Variants in PPP2R5C observed in about 807,000 individuals in gnomAD.
PPP2R5C encodes serine/threonine-protein phosphatase 2A 56 kDa regulatory subunit gamma isoform.
PPP2R5C carries 7 observed loss-of-function variants against 68.9 expected under a neutral mutation model. The observed-to-expected ratio is 0.10, with a 90% CI of 0.06 to 0.19. The LOEUF (loss-of-function observed/expected upper bound fraction) is 0.19, where lower values mean the gene tolerates loss of function less well. PPP2R5C is among the 10% of genes least tolerant of loss of function. PPP2R5C has a pLI of 1.00. For missense variants in PPP2R5C, 348 were observed against 641.3 expected (o/e 0.54, Z 4.94); for synonymous variants, 210 against 222.2 (o/e 0.95, Z 0.49).
At chr14:101,819,181 C>T in intron 1 of PPP2R5C, 1 of 1,154,704 alleles carries the variant, frequency 8.7e-7, no homozygotes, top group South Asian at 1.4e-5. Flanking sequence ...TGGTTTTTTT[C>T]CCAGCTTTAT....
chr14:101,868,334 TG>T (rs967674675), intron 2 of PPP2R5C, among the ~76,000 whole-genome samples: 2 of 152,242 alleles, frequency 1.3e-5, no homozygotes, highest in African/African-American at 4.8e-5. Context: ...TTTCCTTTGA[TG>T]TTTTTAAATT....
chr14:101,842,071 G>T (rs2041509525), intron 1 of PPP2R5C, among the ~76,000 whole-genome samples: 1 of 152,178 alleles, frequency 6.6e-6, no homozygotes. Flanking sequence ...AAGTTCAGTG[G>T]CAGCGCAGAC....
intron 8 of PPP2R5C, among the ~76,000 whole-genome samples, chr14:101,898,291 C>A (rs908746076): frequency 6.6e-6 from 1 of 152,086 alleles, no homozygotes; most frequent in African/African-American, 2.4e-5. Flanking sequence ...GAACAATTCA[C>A]CAAATGCCAC....
intron 9 of PPP2R5C, among the ~76,000 whole-genome samples, chr14:101,902,183 C>G (rs2045724703): frequency 6.6e-6 from 1 of 152,202 alleles, no homozygotes; most frequent in Non-Finnish European, 1.5e-5. Flanking sequence ...TAAACACCCT[C>G]CTTTCCACAC....
intron 1 of PPP2R5C, among the ~76,000 whole-genome samples, chr14:101,841,860 C>T (rs559488003): frequency 2.6e-5 from 4 of 152,258 alleles, no homozygotes; most frequent in African/African-American, 9.6e-5. Flanking sequence ...ACAGGCTGCC[C>T]TAGGCTTAGT....
chr14:101,811,679 A>G (rs2039370488), intron 1 of PPP2R5C, among the ~76,000 whole-genome samples: 1 of 152,314 alleles, frequency 6.6e-6, no homozygotes, highest in South Asian at 2.1e-4. Context: ...TAGCAGTAAG[A>G]TAAATTAACT....
At chr14:101,760,852 G>A (rs370199349), upstream of PPP2R5C, 38 of 328,350 alleles carry the variant, frequency 1.2e-4, no homozygotes, top group African/African-American at 1.7e-3. Context: ...CCGGCCAAGG[G>A]GAGGGGCCGG....
chr14:101,761,485 C>T (rs1474574056), upstream of PPP2R5C, among the ~76,000 whole-genome samples: 1 of 146,370 alleles, frequency 6.8e-6, no homozygotes, highest in Non-Finnish European at 1.5e-5. Flanking sequence ...GTGAACGGGT[C>T]GCGCGGAGAG....
rs11318528 is a variant in PPP2R5C at position 101,876,940 on chromosome 14, C to CTT, written c.295-5196_295-5195dup. 1.3e-3 allele frequency among the ~76,000 whole-genome samples: 114 copies of CTT among 90,888 alleles called. 6 individuals carry two copies. Among genetic ancestry groups the CTT allele is most frequent in the Non-Finnish European group, 1.6e-3 (75 of 46,152 alleles). The allele number at this position is 90,888 out of a possible 152,430, so 59.6% of individuals were successfully genotyped here. A position where few individuals can be genotyped will look rare whatever the true frequency, so the allele number is the denominator to read the frequency against. On this transcript the variant is annotated intron_variant, in intron 2 of 13. Coordinates refer to ENST00000334743, the Ensembl canonical transcript of PPP2R5C. ...GCAAAAAATAAAAAAAGGATTTACG[C>CTT]TTTTTTTTTTTTTTTTTTTTTTTTT...
chr14:101,763,177 G>T (rs565617099), intron 2 of PPP2R5C, among the ~76,000 whole-genome samples: 1 of 151,818 alleles, frequency 6.6e-6, no homozygotes, highest in South Asian at 2.1e-4. Context: ...TATGAAAATT[G>T]TGCTTGCCTA....
In PPP2R5C at chr14:101,916,141, T is replaced by C. The variant is rs1183048171; in HGVS notation, c.1327-1690T>C. Among the ~76,000 whole-genome samples, 2 of 152,184 alleles carry C rather than the reference T, an allele frequency of 1.3e-5. No homozygotes were observed. Among genetic ancestry groups the C allele is most frequent in the Admixed American group, 1.3e-4 (2 of 15,282 alleles). On this transcript the variant is annotated intron_variant, in intron 12 of 13. Coordinates refer to ENST00000334743, the Ensembl canonical transcript of PPP2R5C. This position sits in a 1 kb window ranked among gnomAD's most constrained non-coding sequence, Gnocchi z 5.5. ...AAGGGCAAAATGGCCCAGCCCGACTTGCATTTTTGCAAGCTCTTTGGCGCA... is the reference window on the plus strand; with the variant it reads ...AAGGGCAAAATGGCCCAGCCCGACTCGCATTTTTGCAAGCTCTTTGGCGCA...
intron 2 of PPP2R5C, among the ~76,000 whole-genome samples, chr14:101,863,311 A>G (rs1298259531): frequency 6.6e-6 from 1 of 151,704 alleles, no homozygotes; most frequent in Admixed American, 6.6e-5. Flanking sequence ...GCTTCTCAAA[A>G]AAAAAAGACA....
intron 2 of PPP2R5C, among the ~76,000 whole-genome samples, chr14:101,778,253 T>A (rs2037516355): frequency 6.6e-6 from 1 of 152,222 alleles, no homozygotes; most frequent in South Asian, 2.1e-4. Flanking sequence ...CCTTTGCCCA[T>A]TTTTTAATCG....
chr14:101,863,822 C>T (rs184323544), intron 2 of PPP2R5C, among the ~76,000 whole-genome samples: 3 of 152,078 alleles, frequency 2.0e-5, no homozygotes, highest in Non-Finnish European at 2.9e-5. Context: ...CACTTGAACC[C>T]GGGAGTGGGA....
chr14:101,867,728 A>G (rs1035287497), intron 2 of PPP2R5C, among the ~76,000 whole-genome samples: 4 of 152,038 alleles, frequency 2.6e-5, no homozygotes, highest in Non-Finnish European at 5.9e-5. Context: ...CAGTGAGCCA[A>G]GATTGCACCA....
At chr14:101,847,292 A>G (rs1450833621) in intron 1 of PPP2R5C, among the ~76,000 whole-genome samples, 1 of 152,226 alleles carries the variant, frequency 6.6e-6, no homozygotes, top group South Asian at 2.1e-4. Flanking sequence ...CGTTTTGAAG[A>G]TACTGTCTTT....
chr14:101,767,587 A>G (rs530218511), intron 2 of PPP2R5C, among the ~76,000 whole-genome samples: 1 of 152,080 alleles, frequency 6.6e-6, no homozygotes, highest in Non-Finnish European at 1.5e-5. Flanking sequence ...TTTCCATACA[A>G]CCCTAAGCTG....
At chr14:101,850,156 T>C (rs2042070895) in intron 1 of PPP2R5C, among the ~76,000 whole-genome samples, 1 of 152,088 alleles carries the variant, frequency 6.6e-6, no homozygotes, top group African/African-American at 2.4e-5. Flanking sequence ...GAGTCGGGGA[T>C]GGGTGCAAGG....
At chr14:101,772,102 A>G (rs2037179719) in intron 2 of PPP2R5C, among the ~76,000 whole-genome samples, 1 of 152,194 alleles carries the variant, frequency 6.6e-6, no homozygotes, top group Non-Finnish European at 1.5e-5. Context: ...AGTATTTTCC[A>G]AAATAATTCT....
Sources: allele counts gnomAD v4.1 joint callset (sites outside exome capture counted in the v4.1 genomes callset), GRCh38; gene constraint gnomAD v4.1.1; non-coding constraint Gnocchi (gnomAD v3.1); transcripts MANE v1.5; gene names NCBI Gene and HGNC (gene_info 2026-07-23, HGNC 2026-07-21).